SLC24A2: variants seen among roughly 807,000 people sequenced by gnomAD.
The protein encoded by SLC24A2 is sodium/potassium/calcium exchanger 2.
In SLC24A2, 36 loss-of-function variants were observed where a neutral mutation model predicts 62.0. That is an observed-to-expected ratio of 0.58 (90% CI 0.44 to 0.77). The LOEUF is 0.77. SLC24A2 is among the 30% of genes least tolerant of loss of function. The pLI is 0.00. For missense variants in SLC24A2, 846 were observed against 817.9 expected (o/e 1.03, Z -0.42); for synonymous variants, 358 against 294.0 (o/e 1.22, Z -2.23).
intron 2 of SLC24A2, among the ~76,000 whole-genome samples, chr9:19,724,465 G>C (rs1821114200): frequency 6.6e-6 from 1 of 152,196 alleles, no homozygotes; most frequent in Admixed American, 6.5e-5. Context: ...ATTTGTAAAA[G>C]ATGAACTGGG....
chr9:19,914,340 C>A, the SLC24A2 span, among the ~76,000 whole-genome samples: 1 of 148,298 alleles, frequency 6.7e-6, no homozygotes, highest in Non-Finnish European at 1.5e-5. Flanking sequence ...AACATGTCCA[C>A]TGGCTTTCCA....
intron 5 of SLC24A2, among the ~76,000 whole-genome samples, chr9:19,584,291 A>C (rs1053892864): frequency 4.8e-5 from 5 of 104,294 alleles, no homozygotes; most frequent in East Asian, 2.8e-4. Context: ...AAAAAAAAAA[A>C]AACAAACAAA....
the SLC24A2 span, among the ~76,000 whole-genome samples, chr9:19,911,076 C>T: frequency 9.0e-6 from 1 of 111,154 alleles, no homozygotes; most frequent in East Asian, 3.0e-4. Context: ...CCTCCCCCCA[C>T]CCCACAACAG....
At chr9:20,147,144 C>T in the SLC24A2 span, among the ~76,000 whole-genome samples, 136 of 152,256 alleles carry the variant, frequency 8.9e-4, 1 homozygote, top group Non-Finnish European at 1.8e-3. Flanking sequence ...TGCCTGATCA[C>T]GAACTCACCA....
chr9:19,574,300 C>T (rs899357794), intron 6 of SLC24A2, among the ~76,000 whole-genome samples: 3 of 152,294 alleles, frequency 2.0e-5, no homozygotes, highest in African/African-American at 7.2e-5. Context: ...TGAATCAGAA[C>T]ATTTAGCTAG....
At chr9:20,169,893 A>C in the SLC24A2 span, among the ~76,000 whole-genome samples, 2 of 152,050 alleles carry the variant, frequency 1.3e-5, no homozygotes, top group South Asian at 4.1e-4. Flanking sequence ...ACAAGGAGGC[A>C]CTAGAGAAAG....
the SLC24A2 span, among the ~76,000 whole-genome samples, chr9:20,220,085 T>C: frequency 6.6e-6 from 1 of 152,170 alleles, no homozygotes; most frequent in Non-Finnish European, 1.5e-5. Flanking sequence ...TAAAGAATAA[T>C]TCCTTTTACA....
chr9:19,702,467 A>G (rs1820384094), intron 2 of SLC24A2, among the ~76,000 whole-genome samples: 2 of 152,214 alleles, frequency 1.3e-5, no homozygotes, highest in South Asian at 4.1e-4. Flanking sequence ...TTAACAACCC[A>G]TGGTGACTTG....
intron 2 of SLC24A2, among the ~76,000 whole-genome samples, chr9:19,764,881 A>T (rs1587290115): frequency 6.6e-6 from 1 of 151,878 alleles, no homozygotes; most frequent in South Asian, 2.1e-4. Flanking sequence ...TTGATCTAAT[A>T]TTGACAGTGG....
the SLC24A2 span, among the ~76,000 whole-genome samples, chr9:20,210,566 C>A: frequency 6.7e-6 from 1 of 150,254 alleles, no homozygotes; most frequent in African/African-American, 2.5e-5. Flanking sequence ...CTCCGCCTCC[C>A]GGGTTCACGC....
the SLC24A2 span, among the ~76,000 whole-genome samples, chr9:20,065,128 T>C: frequency 6.6e-6 from 1 of 152,174 alleles, no homozygotes; most frequent in African/African-American, 2.4e-5. Flanking sequence ...ATCCTACAGC[T>C]CACTATCACA....
the SLC24A2 span, among the ~76,000 whole-genome samples, chr9:20,122,538 A>G: frequency 9.2e-5 from 14 of 152,086 alleles, no homozygotes; most frequent in Non-Finnish European, 1.9e-4. Context: ...AATACAAAAA[A>G]TTAGCTGGGC....
At chr9:20,161,895 C>T in the SLC24A2 span, among the ~76,000 whole-genome samples, 7 of 151,458 alleles carry the variant, frequency 4.6e-5, no homozygotes, top group Non-Finnish European at 7.4e-5. Context: ...CTACTATATT[C>T]GCTACTGTTT....
chr9:20,041,004 A>T, the SLC24A2 span, among the ~76,000 whole-genome samples: 1 of 152,244 alleles, frequency 6.6e-6, no homozygotes, highest in Non-Finnish European at 1.5e-5. Context: ...TCTCCTAAAA[A>T]GGGCAGCTCT....
chr9:19,892,486 G>A, the SLC24A2 span, among the ~76,000 whole-genome samples: 14 of 152,250 alleles, frequency 9.2e-5, no homozygotes, highest in Non-Finnish European at 1.0e-4. Flanking sequence ...CCTCACAAGT[G>A]CTCTATAAAT....
At chr9:19,836,681 C>T in the SLC24A2 span, among the ~76,000 whole-genome samples, 4 of 152,276 alleles carry the variant, frequency 2.6e-5, no homozygotes, top group South Asian at 8.3e-4. Flanking sequence ...CCTTCTGAAA[C>T]TATTCCAATC....
chr9:20,217,064 T>C, the SLC24A2 span, among the ~76,000 whole-genome samples: 1 of 152,046 alleles, frequency 6.6e-6, no homozygotes. Flanking sequence ...ACAGAAACAA[T>C]GCAATGCCCA....
chr9:19,627,275 C>T (rs191836049), intron 2 of SLC24A2, among the ~76,000 whole-genome samples: 2 of 152,126 alleles, frequency 1.3e-5, no homozygotes, highest in African/African-American at 2.4e-5. Context: ...GGAAGCAAAG[C>T]CTTTTGATGA....
At chr9:19,683,275 A>G (rs1195284699) in intron 2 of SLC24A2, among the ~76,000 whole-genome samples, 1 of 152,194 alleles carries the variant, frequency 6.6e-6, no homozygotes, top group African/African-American at 2.4e-5. Flanking sequence ...GAACAATTAT[A>G]AAACTGATAG....
Sources: allele counts gnomAD v4.1 joint callset (sites outside exome capture counted in the v4.1 genomes callset), GRCh38; gene constraint gnomAD v4.1.1; transcripts MANE v1.5; gene names NCBI Gene and HGNC (gene_info 2026-07-23, HGNC 2026-07-21).